Variants in DNAAF11 observed in about 807,000 individuals in gnomAD.
DNAAF11 encodes leucine rich repeat containing 6.
A neutral mutation model predicts 60.8 loss-of-function variants in DNAAF11; 45 were observed. The ratio of observed to expected loss-of-function variants is 0.74; its 90% confidence interval spans 0.58 to 0.95. DNAAF11 has a LOEUF of 0.95. DNAAF11 is among the 40% of genes least tolerant of loss of function. The pLI, the probability that DNAAF11 is intolerant of heterozygous loss-of-function variation, is 0.00. For missense variants in DNAAF11, 546 were observed against 546.2 expected, an observed-to-expected ratio of 1.00 and a Z score of 0.00; for synonymous variants, 191 against 183.5, an observed-to-expected ratio of 1.04 and a Z score of -0.33.
intron 8 of DNAAF11, among the ~76,000 whole-genome samples, chr8:132,613,036 A>T (rs1262802599): frequency 6.6e-6 from 1 of 152,276 alleles, no homozygotes; most frequent in Non-Finnish European, 1.5e-5. Context: ...AGGATGAAAC[A>T]GTGATTTGTC....
At chr8:132,649,230 T>C (rs1822742643) in intron 3 of DNAAF11, among the ~76,000 whole-genome samples, 1 of 152,224 alleles carries the variant, frequency 6.6e-6, no homozygotes, top group Admixed American at 6.5e-5. Flanking sequence ...TACAACCATC[T>C]GATCTTTGAC....
intron 5 of DNAAF11, among the ~76,000 whole-genome samples, chr8:132,632,380 G>A (rs979674290): frequency 2.6e-5 from 4 of 152,140 alleles, no homozygotes; most frequent in Non-Finnish European, 5.9e-5. Context: ...GATGCAATTA[G>A]AATTATTCAA....
chr8:132,682,735 G>GA, the DNAAF11 span, among the ~76,000 whole-genome samples: 7 of 152,164 alleles, frequency 4.6e-5, no homozygotes, highest in African/African-American at 1.7e-4. Flanking sequence ...AATTTATAAA[G>GA]AAAAAATACT....
chr8:132,685,782 C>T, the DNAAF11 span, among the ~76,000 whole-genome samples: 66 of 152,262 alleles, frequency 4.3e-4, no homozygotes, highest in Middle Eastern at 0.01. Context: ...TTTCCACCTG[C>T]GCTGTATCTC....
chr8:132,662,639 G>A (rs1268680085), intron 1 of DNAAF11, among the ~76,000 whole-genome samples: 2 of 152,190 alleles, frequency 1.3e-5, no homozygotes, highest in African/African-American at 4.8e-5. Flanking sequence ...TGTCAGATGA[G>A]GAAGTAAAGC....
At chr8:132,595,378 G>T (rs1427054983) in intron 10 of DNAAF11, among the ~76,000 whole-genome samples, 1 of 75,452 alleles carries the variant, frequency 1.3e-5, no homozygotes, top group South Asian at 5.0e-4. Context: ...AAAAAAAAAA[G>T]CTGTGTCCAG....
chr8:132,611,159 G>C, intron 9 of DNAAF11, 135 bp downstream of exon 9: 3 of 553,794 alleles, frequency 5.4e-6, no homozygotes, highest in Non-Finnish European at 9.4e-6. Context: ...CTCCCAAAGT[G>C]CTGGGATTAC....
chr8:132,662,894 G>T (rs1013761948), intron 1 of DNAAF11, among the ~76,000 whole-genome samples: 1 of 152,150 alleles, frequency 6.6e-6, no homozygotes, highest in Non-Finnish European at 1.5e-5. Flanking sequence ...AGTGGAATTT[G>T]CCTTTTTATT....
intron 7 of DNAAF11, among the ~76,000 whole-genome samples, chr8:132,619,199 C>A (rs1463386857): frequency 6.8e-6 from 1 of 147,438 alleles, no homozygotes. Context: ...ATCGCAAGAA[C>A]AAAAAACCAA....
chr8:132,620,587 G>A (rs1052426124), intron 7 of DNAAF11, among the ~76,000 whole-genome samples: 7 of 152,122 alleles, frequency 4.6e-5, no homozygotes, highest in African/African-American at 1.7e-4. Flanking sequence ...TGCCTGCCTC[G>A]GTCTCCCAAA....
At chr8:132,645,059 G>A (rs1379869419) in intron 3 of DNAAF11, among the ~76,000 whole-genome samples, 1 of 152,116 alleles carries the variant, frequency 6.6e-6, no homozygotes, top group African/African-American at 2.4e-5. Flanking sequence ...GACCCCTGGG[G>A]AGCCCAACTG....
intron 6 of DNAAF11, among the ~76,000 whole-genome samples, chr8:132,624,706 A>G (rs1360744550): frequency 1.3e-5 from 2 of 152,176 alleles, no homozygotes; most frequent in Admixed American, 1.3e-4. Flanking sequence ...TTAAGCAATG[A>G]CATGAAATGG....
chr8:132,657,012 T>C (rs1340575728), intron 2 of DNAAF11, 105 bp from the exon 3 acceptor site: 1 of 493,712 alleles, frequency 2.0e-6, no homozygotes, highest in Non-Finnish European at 3.6e-6. Flanking sequence ...ATTATTATTA[T>C]GGTTATCAAA....
the DNAAF11 span, chr8:132,687,510 T>C: frequency 2.3e-6 from 1 of 425,742 alleles, no homozygotes; most frequent in Non-Finnish European, 4.7e-6. Flanking sequence ...GGTTGCCTCA[T>C]CTCATCGCTT....
At chr8:132,693,266 G>A in the DNAAF11 span, among the ~76,000 whole-genome samples, 11 of 152,234 alleles carry the variant, frequency 7.2e-5, no homozygotes, top group East Asian at 3.9e-4. Flanking sequence ...AAAAGACAAC[G>A]GAAAAATGGA....
At chr8:132,624,023 T>C (rs1350074109) in intron 6 of DNAAF11, among the ~76,000 whole-genome samples, 1 of 152,166 alleles carries the variant, frequency 6.6e-6, no homozygotes, top group East Asian at 1.9e-4. Context: ...CCTTACTTTA[T>C]TAGGTAACAG....
At chr8:132,687,628 A>C in the DNAAF11 span, 4 of 455,862 alleles carry the variant, frequency 8.8e-6, no homozygotes, top group African/African-American at 8.0e-5. Context: ...TTTAATCCTC[A>C]CCCATCGTGT....
intron 1 of DNAAF11, among the ~76,000 whole-genome samples, chr8:132,667,794 A>AT (rs1824778083): frequency 6.6e-6 from 1 of 152,172 alleles, no homozygotes; most frequent in South Asian, 2.1e-4. Context: ...GTTCTCCAAA[A>AT]TTTGAGGCTG....
chr8:132,702,185 C>G, the DNAAF11 span: 1 of 152,162 alleles, frequency 6.6e-6, no homozygotes, highest in African/African-American at 2.4e-5. Context: ...TAAAGCCATA[C>G]GATCACTCCA....
Sources: allele counts gnomAD v4.1 joint callset (sites outside exome capture counted in the v4.1 genomes callset), GRCh38; gene constraint gnomAD v4.1.1; transcripts MANE v1.5; gene names NCBI Gene and HGNC (gene_info 2026-07-23, HGNC 2026-07-21).